Variants in IKZF2 observed in about 807,000 individuals in gnomAD.
IKZF2 encodes the protein IKAROS family zinc finger 2.
In IKZF2, 15 loss-of-function variants were observed where a neutral mutation model predicts 49.2. That is an observed-to-expected ratio of 0.30 (90% CI 0.20 to 0.47). IKZF2 has a LOEUF of 0.47. Ranked by LOEUF, IKZF2 falls within the 20% of genes least tolerant of loss-of-function variation. The pLI is 1.00. For synonymous variants in IKZF2, 227 were observed against 221.4 expected (o/e 1.03, Z -0.23); for missense variants, 567 against 664.6 (o/e 0.85, Z 1.61).
At position 213,007,697 on chromosome 2, in the gene IKZF2, T is replaced by C. The variant is rs1255350622; in HGVS notation, c.1244A>G (p.Asp415Gly). 6.2e-7 allele frequency: 1 copy of C among 1,613,648 alleles called. No homozygotes were observed. Among genetic ancestry groups the C allele is most frequent in the East Asian group, 2.2e-5 (1 of 44,858 alleles). ...GTGTCCTTGGTAGGACTGGTGGTCA[T>C]CATGGCTGCTTTCTGAGTCAGTGGA... ...LDSTDSESSH[D>G]DHQSYQGHPA... is the part of the protein sequence containing the mutation. Residue 415 changes from aspartate (D) to glycine (G), a missense_variant, in exon 9 of 9, where the codon GAT becomes GGT. Transcript: ENST00000434687.
At chr2:213,136,153 C>T (rs957539726) in intron 4 of IKZF2, among the ~76,000 whole-genome samples, 1 of 150,878 alleles carries the variant, frequency 6.6e-6, no homozygotes, top group Non-Finnish European at 1.5e-5. Context: ...GTGGATAGCC[C>T]GAGGTCAAGA....
At chr2:213,045,943 C>A (rs1700109426) in intron 6 of IKZF2, among the ~76,000 whole-genome samples, 2 of 152,186 alleles carry the variant, frequency 1.3e-5, no homozygotes, top group Admixed American at 6.6e-5. Flanking sequence ...AAAGCTCCCT[C>A]TACTTTTGAC....
chr2:213,081,514 G>C (rs1227282875), intron 4 of IKZF2, among the ~76,000 whole-genome samples: 1 of 152,136 alleles, frequency 6.6e-6, no homozygotes, highest in Non-Finnish European at 1.5e-5. Flanking sequence ...GTGGACTCAG[G>C]TATAAGGAGA....
At chr2:213,044,869 T>C (rs1433997087) in intron 6 of IKZF2, among the ~76,000 whole-genome samples, 1 of 152,190 alleles carries the variant, frequency 6.6e-6, no homozygotes, top group Non-Finnish European at 1.5e-5. Context: ...ACTAAGACCA[T>C]TAGTTTTTGG....
chr2:213,113,129 C>T (rs891979400), intron 4 of IKZF2, among the ~76,000 whole-genome samples: 9 of 152,108 alleles, frequency 5.9e-5, no homozygotes, highest in Non-Finnish European at 1.3e-4. Flanking sequence ...TGAACTGGAT[C>T]TTCTCTTTCA....
chr2:213,048,911 C>T (rs559008015), intron 6 of IKZF2, among the ~76,000 whole-genome samples: 1 of 151,996 alleles, frequency 6.6e-6, no homozygotes, highest in African/African-American at 2.4e-5. Context: ...TTTAGTATGT[C>T]ATTATGAACA....
At chr2:213,131,470 C>A (rs547983235) in intron 4 of IKZF2, among the ~76,000 whole-genome samples, 1 of 152,178 alleles carries the variant, frequency 6.6e-6, no homozygotes, top group East Asian at 1.9e-4. Flanking sequence ...TAAATTGTAT[C>A]TTTAAGATTT....
chr2:213,077,822 T>A (rs1168820098), intron 4 of IKZF2, among the ~76,000 whole-genome samples: 2 of 152,072 alleles, frequency 1.3e-5, no homozygotes, highest in Non-Finnish European at 2.9e-5. Context: ...TCTCCTGACC[T>A]CGTGATCCAC....
intron 4 of IKZF2, among the ~76,000 whole-genome samples, chr2:213,069,115 G>A (rs978743651): frequency 1.3e-5 from 2 of 152,032 alleles, no homozygotes; most frequent in Admixed American, 6.6e-5. Context: ...GCGGCTGTTT[G>A]GGAGTTTCCT....
chr2:213,080,911 G>C (rs1703877357), intron 4 of IKZF2, among the ~76,000 whole-genome samples: 1 of 151,934 alleles, frequency 6.6e-6, no homozygotes, highest in South Asian at 2.1e-4. Context: ...GCACCATCTT[G>C]ACCTATTGTT....
At chr2:213,143,616 A>T (rs2060948148) in intron 4 of IKZF2, among the ~76,000 whole-genome samples, 1 of 151,950 alleles carries the variant, frequency 6.6e-6, no homozygotes, top group Admixed American at 6.6e-5. Context: ...CACAAACCTA[A>T]GTATGGCGAC....
chr2:213,029,486 G>A lies in IKZF2; in HGVS notation c.575-7356C>T, dbSNP rs1254446601. Among the ~76,000 whole-genome samples the A allele has an allele frequency of 2.6e-5, 4 of 151,902 alleles. No individual in the cohort carries two copies. In the East Asian group the frequency reaches 7.7e-4, roughly 29 times the overall value. The stretch of plus-strand genomic sequence containing the variant: ...GCCTCCAATGGCTACAGGATTTTTA[G>A]TGATTTCCGGTTTTTATTCTAGATG... On this transcript the variant is annotated intron_variant, in intron 6 of 8. Transcript: ENST00000434687.
At chr2:213,091,319 A>C (rs1705303985) in intron 4 of IKZF2, among the ~76,000 whole-genome samples, 1 of 152,184 alleles carries the variant, frequency 6.6e-6, no homozygotes, top group Non-Finnish European at 1.5e-5. Flanking sequence ...TTAATTCCAT[A>C]TCTGAAGAAA....
intron 4 of IKZF2, among the ~76,000 whole-genome samples, chr2:213,065,285 A>G (rs902686765): frequency 6.6e-6 from 1 of 152,018 alleles, no homozygotes; most frequent in Non-Finnish European, 1.5e-5. Flanking sequence ...ACTTCACTTT[A>G]CATTACAGTG....
chr2:213,092,984 G>A (rs1021507949), intron 4 of IKZF2, among the ~76,000 whole-genome samples: 4 of 152,074 alleles, frequency 2.6e-5, no homozygotes, highest in Admixed American at 6.6e-5. Context: ...GCATTCTCAG[G>A]GAGTGGCAGA....
intron 4 of IKZF2, among the ~76,000 whole-genome samples, chr2:213,091,225 T>C (rs1705290927): frequency 6.6e-6 from 1 of 152,186 alleles, no homozygotes; most frequent in South Asian, 2.1e-4. Flanking sequence ...TGATCCAATA[T>C]GGGTTCACTA....
intron 4 of IKZF2, among the ~76,000 whole-genome samples, chr2:213,142,442 C>G (rs2060908318): frequency 6.6e-6 from 1 of 151,890 alleles, no homozygotes; most frequent in Non-Finnish European, 1.5e-5. Flanking sequence ...CTTTTTCTTA[C>G]AAGTCATAGG....
chr2:213,140,913 G>A (rs1356722905), intron 4 of IKZF2, among the ~76,000 whole-genome samples: 1 of 151,922 alleles, frequency 6.6e-6, no homozygotes, highest in East Asian at 1.9e-4. Context: ...ACCAAACCAT[G>A]GGCTAATATT....
intron 4 of IKZF2, among the ~76,000 whole-genome samples, chr2:213,086,554 A>G (rs1559255837): frequency 2.0e-5 from 3 of 152,144 alleles, no homozygotes; most frequent in African/African-American, 7.2e-5. Flanking sequence ...TTTTTCACAC[A>G]TAAACACTAG....
Sources: gnomAD v4.1 joint callset for allele counts (sites outside exome capture counted in the v4.1 genomes callset) on GRCh38, gnomAD v4.1.1 for gene constraint, MANE v1.5 for transcripts, NCBI Gene and HGNC (gene_info 2026-07-23, HGNC 2026-07-21) for gene names.